Variants in SH3PXD2A observed in about 807,000 individuals in gnomAD.
SH3PXD2A encodes the protein SH3 and PX domain-containing protein 2A.
In SH3PXD2A, 32 loss-of-function variants were observed where a neutral mutation model predicts 115.2. The observed-to-expected ratio is 0.28, with a 90% CI of 0.21 to 0.37. SH3PXD2A has a LOEUF of 0.37. Ranked by LOEUF, SH3PXD2A falls within the 10% of genes least tolerant of loss-of-function variation. The probability of loss-of-function intolerance (pLI) is 1.00; values close to 1 mark genes in which losing one functional copy is unlikely to be tolerated. For synonymous variants in SH3PXD2A, 610 were observed against 629.1 expected (o/e 0.97, Z 0.45); for missense variants, 1,328 against 1,498.7 (o/e 0.89, Z 1.88).
chr10:103,675,774 G>T (rs2037523880), intron 6 of SH3PXD2A, among the ~76,000 whole-genome samples: 1 of 152,224 alleles, frequency 6.6e-6, no homozygotes, highest in Non-Finnish European at 1.5e-5. Context: ...CTTGTGCGGT[G>T]GCTCACGCCT....
At chr10:103,801,407 G>A in intron 1 of SH3PXD2A, 45 bp from the exon 2 acceptor site, 1 of 1,218,856 alleles carries the variant, frequency 8.2e-7, no homozygotes, top group Non-Finnish European at 1.2e-6. Context: ...TGGATTTCAA[G>A]CTGTCTGTGC....
chr10:103,602,279 T>A lies in SH3PXD2A; in HGVS notation c.2939A>T (p.Gln980Leu). 1 of 1,613,278 alleles carries A rather than the reference T, an allele frequency of 6.2e-7. No homozygotes were observed. Among genetic ancestry groups the A allele is most frequent in the Non-Finnish European group, 8.5e-7 (1 of 1,179,758 alleles). Reference sequence around the variant, plus strand: ...GGGTGGCGGGGACACAAACACCGACTGGGGCCTGACCGCCACCTGCCGCAC... The same window carrying A: ...GGGTGGCGGGGACACAAACACCGACAGGGGCCTGACCGCCACCTGCCGCAC... ...NGVRQVAVRP[Q>L]SVFVSPPPKD... The change falls in exon 15 of 15, where the codon CAG becomes CTG. Residue 980 changes from glutamine to leucine, a missense_variant. Gln to Leu is a moderately radical substitution (Grantham distance 113). Transcript: ENST00000369774.
intron 1 of SH3PXD2A, among the ~76,000 whole-genome samples, chr10:103,811,738 G>A (rs753677055): frequency 3.3e-5 from 5 of 152,214 alleles, no homozygotes; most frequent in Non-Finnish European, 7.3e-5. Flanking sequence ...CGCCCATGAG[G>A]CAGGTGGCTA....
chr10:103,746,007 G>A lies in SH3PXD2A; in HGVS notation c.230-10199C>T, dbSNP rs1219830442. 1 of 152,276 alleles carries A rather than the reference G, an allele frequency of 6.6e-6. No individual in the cohort carries two copies. The highest frequency in any genetic ancestry group is 2.4e-5 in the African/African-American group (1 of 41,470). 9.4% of individuals were successfully genotyped at this position (152,276 alleles called of 1,614,324 possible). A position where few individuals can be genotyped will look rare whatever the true frequency, so the allele number is the denominator to read the frequency against. ...CCACTGGGGTTCACGACAGAGTGAA[G>A]CCTTCACCCTCCTGCAGCCACGGCT... On this transcript the variant is annotated intron_variant, in intron 3 of 14. Coordinates refer to ENST00000369774, the MANE Select transcript of SH3PXD2A (RefSeq NM_001394015.1). The surrounding 1 kb of genome is among the most constrained non-coding windows in gnomAD (Gnocchi z 4.4).
At chr10:103,710,276 G>A (rs1487603985) in intron 5 of SH3PXD2A, among the ~76,000 whole-genome samples, 3 of 152,108 alleles carry the variant, frequency 2.0e-5, no homozygotes, top group Non-Finnish European at 2.9e-5. Flanking sequence ...TTGGGAGGCT[G>A]AGGCAGGAGA....
At chr10:103,808,635 G>A (rs748598052) in intron 1 of SH3PXD2A, among the ~76,000 whole-genome samples, 8 of 152,150 alleles carry the variant, frequency 5.3e-5, no homozygotes, top group East Asian at 1.9e-4. Flanking sequence ...CTAGCCTGGC[G>A]AGTCTGTGAC....
At chr10:103,722,013 C>T (rs1271155697) in intron 5 of SH3PXD2A, among the ~76,000 whole-genome samples, 1 of 152,016 alleles carries the variant, frequency 6.6e-6, no homozygotes, top group African/African-American at 2.4e-5. Context: ...TAAGAATATA[C>T]AAGCCCTGGC....
chr10:103,637,344 C>T (rs10883892), intron 8 of SH3PXD2A, among the ~76,000 whole-genome samples: 41,035 of 152,118 alleles, frequency 0.27, 5,931 homozygotes, highest in East Asian at 0.38. Flanking sequence ...TTTCCTTCCC[C>T]GTGAGTTACT....
intron 5 of SH3PXD2A, among the ~76,000 whole-genome samples, chr10:103,694,371 C>T (rs1223038080): frequency 6.6e-6 from 1 of 152,160 alleles, no homozygotes; most frequent in Non-Finnish European, 1.5e-5. Flanking sequence ...CTCATGGAGG[C>T]TCCCCAAGAT....
chr10:103,605,261 C>T (rs1330968019), intron 14 of SH3PXD2A, among the ~76,000 whole-genome samples: 4 of 152,140 alleles, frequency 2.6e-5, no homozygotes, highest in African/African-American at 7.2e-5. Context: ...TCCCCAGTAT[C>T]TCAGTCTACC....
intron 8 of SH3PXD2A, among the ~76,000 whole-genome samples, chr10:103,640,177 T>C (rs956388092): frequency 1.3e-5 from 2 of 152,100 alleles, no homozygotes; most frequent in Non-Finnish European, 2.9e-5. Context: ...TAGCCAGGTG[T>C]AGTGGCACAT....
At chr10:103,705,179 C>T (rs2037966636) in intron 5 of SH3PXD2A, among the ~76,000 whole-genome samples, 1 of 152,210 alleles carries the variant, frequency 6.6e-6, no homozygotes, top group Admixed American at 6.5e-5. Flanking sequence ...GGGCCGCCAC[C>T]TCCATCCTCC....
At chr10:103,647,805 A>G (rs2037056878) in intron 8 of SH3PXD2A, among the ~76,000 whole-genome samples, 1 of 152,200 alleles carries the variant, frequency 6.6e-6, no homozygotes, top group South Asian at 2.1e-4. Context: ...TGCTGGGGAA[A>G]GCACACTCCA....
intron 9 of SH3PXD2A, among the ~76,000 whole-genome samples, chr10:103,625,033 C>G (rs1306034857): frequency 6.6e-6 from 1 of 152,168 alleles, no homozygotes; most frequent in African/African-American, 2.4e-5. Flanking sequence ...CACCCACACC[C>G]ACCCCCCACA....
intron 8 of SH3PXD2A, among the ~76,000 whole-genome samples, chr10:103,635,472 T>C (rs1324148658): frequency 6.6e-6 from 1 of 152,208 alleles, no homozygotes; most frequent in Non-Finnish European, 1.5e-5. Context: ...AGGCAGGTCT[T>C]CTTGCCTGGA....
chr10:103,777,987 G>A (rs907817731), intron 2 of SH3PXD2A, among the ~76,000 whole-genome samples: 2 of 152,198 alleles, frequency 1.3e-5, no homozygotes, highest in Admixed American at 1.3e-4. Context: ...CTACTCATCT[G>A]TAAAATAGGA....
chr10:103,662,506 T>C (rs2037327395), intron 7 of SH3PXD2A, among the ~76,000 whole-genome samples: 1 of 147,570 alleles, frequency 6.8e-6, no homozygotes, highest in Non-Finnish European at 1.5e-5. Context: ...TTCACGCCAT[T>C]CTCCTGCCTC....
At chr10:103,798,201 C>T (rs2039112990) in intron 2 of SH3PXD2A, among the ~76,000 whole-genome samples, 1 of 152,168 alleles carries the variant, frequency 6.6e-6, no homozygotes, top group Non-Finnish European at 1.5e-5. Flanking sequence ...TCAAAGGGGT[C>T]AAAGGGGTGT....
intron 1 of SH3PXD2A, among the ~76,000 whole-genome samples, chr10:103,821,767 C>T (rs1433646318): frequency 6.6e-6 from 1 of 152,104 alleles, no homozygotes; most frequent in Non-Finnish European, 1.5e-5. Context: ...GGGTTTCATC[C>T]TGTTGCCCAG....
Sources: allele counts gnomAD v4.1 joint callset (sites outside exome capture counted in the v4.1 genomes callset), GRCh38; gene constraint gnomAD v4.1.1; non-coding constraint Gnocchi (gnomAD v3.1); transcripts MANE v1.5; gene names NCBI Gene and HGNC (gene_info 2026-07-23, HGNC 2026-07-21).